DYM: variants seen among roughly 807,000 people sequenced by gnomAD.
DYM encodes the protein dymeclin.
A neutral mutation model predicts 93.1 loss-of-function variants in DYM; 78 were observed. The ratio of observed to expected loss-of-function variants is 0.84; its 90% CI spans 0.70 to 1.01. DYM has a LOEUF of 1.01. Ranked by LOEUF, DYM falls within the 50% of genes least tolerant of loss-of-function variation. The probability of loss-of-function intolerance (pLI) is 0.00; values close to 1 mark genes in which losing one functional copy is unlikely to be tolerated. For synonymous variants in DYM, 321 were observed against 319.7 expected (o/e 1.00, Z -0.04); for missense variants, 789 against 845.0 (o/e 0.93, Z 0.82).
intron 8 of DYM, among the ~76,000 whole-genome samples, chr18:49,303,823 A>G (rs1240921412): frequency 6.6e-6 from 1 of 152,206 alleles, no homozygotes; most frequent in Non-Finnish European, 1.5e-5. Context: ...AATTTACTAA[A>G]TGAATTATGG....
rs1283149769 is a variant in DYM at position 49,289,753 on chromosome 18, A to G, written c.764-3137T>C. On this transcript the variant is annotated intron_variant, in intron 8 of 17. Transcript: ENST00000675505. ...TATATATATATATATATATATATAT[A>G]TATATATATATATATATATACACAT... is the stretch of plus-strand genomic sequence containing the variant. Among the ~76,000 whole-genome samples, 36 of 40,370 alleles carry G rather than the reference A, an allele frequency of 8.9e-4. 1 individual carries two copies. Among genetic ancestry groups the G allele is most frequent in the African/African-American group, 2.2e-3 (21 of 9,748 alleles). 26.5% of individuals were successfully genotyped at this position (40,370 alleles called of 152,430 possible).
chr18:49,331,618 T>C (rs2063311247), intron 8 of DYM, among the ~76,000 whole-genome samples: 2 of 152,272 alleles, frequency 1.3e-5, no homozygotes, highest in Admixed American at 1.3e-4. Flanking sequence ...CGCATATTTA[T>C]GTGTAAACAT....
At chr18:49,254,435 C>G (rs925363229) in intron 13 of DYM, among the ~76,000 whole-genome samples, 1 of 151,470 alleles carries the variant, frequency 6.6e-6, no homozygotes, top group African/African-American at 2.4e-5. Flanking sequence ...TAACATAGTT[C>G]GTTATTCATA....
intron 1 of DYM, among the ~76,000 whole-genome samples, chr18:49,436,643 T>G (rs1455276512): frequency 6.6e-6 from 1 of 152,174 alleles, no homozygotes; most frequent in Non-Finnish European, 1.5e-5. Flanking sequence ...TAATTAGCAG[T>G]TAGGATTGTA....
intron 13 of DYM, among the ~76,000 whole-genome samples, chr18:49,210,407 G>C (rs1035723182): frequency 6.6e-6 from 1 of 152,192 alleles, no homozygotes; most frequent in African/African-American, 2.4e-5. Flanking sequence ...GTCATGAAAA[G>C]ACATGGAGGA....
intron 13 of DYM, among the ~76,000 whole-genome samples, chr18:49,222,956 C>G (rs945870413): frequency 6.6e-6 from 1 of 152,100 alleles, no homozygotes; most frequent in Admixed American, 6.5e-5. Flanking sequence ...ACCATCTGAA[C>G]CTACCAATCA....
At chr18:49,122,387 ACT>A (rs2082459203) in intron 15 of DYM, among the ~76,000 whole-genome samples, 2 of 152,146 alleles carry the variant, frequency 1.3e-5, no homozygotes, top group Admixed American at 1.3e-4. Context: ...AGAGAAATAC[ACT>A]GTTACTACCT....
chr18:49,198,099 T>A (rs1315288911), intron 14 of DYM, among the ~76,000 whole-genome samples: 1 of 152,152 alleles, frequency 6.6e-6, no homozygotes, highest in Non-Finnish European at 1.5e-5. Flanking sequence ...CATCTGATCT[T>A]TGACAAACCT....
intron 13 of DYM, among the ~76,000 whole-genome samples, chr18:49,222,713 T>C (rs1312690666): frequency 6.6e-6 from 1 of 152,124 alleles, no homozygotes; most frequent in African/African-American, 2.4e-5. Context: ...AACTCTAGTT[T>C]TGAAAATTAA....
intron 2 of DYM, among the ~76,000 whole-genome samples, chr18:49,413,367 C>T (rs1295040642): frequency 1.3e-5 from 2 of 152,274 alleles, no homozygotes; most frequent in Non-Finnish European, 1.5e-5. Flanking sequence ...GCAATGGGTC[C>T]AGCATCTGAC....
intron 16 of DYM, among the ~76,000 whole-genome samples, chr18:49,097,726 A>T (rs961980611): frequency 6.6e-6 from 1 of 152,122 alleles, no homozygotes; most frequent in Admixed American, 6.5e-5. Flanking sequence ...CTGATTATTC[A>T]TTCTGTGAAT....
intron 16 of DYM, among the ~76,000 whole-genome samples, chr18:49,109,206 G>T (rs2081168026): frequency 6.7e-6 from 1 of 149,468 alleles, no homozygotes; most frequent in African/African-American, 2.5e-5. Context: ...ATTTGCATTT[G>T]ATTTAATTAT....
At chr18:49,373,117 A>T (rs1456046321) in intron 5 of DYM, among the ~76,000 whole-genome samples, 1 of 152,182 alleles carries the variant, frequency 6.6e-6, no homozygotes, top group African/African-American at 2.4e-5. Context: ...AATGAAAAAT[A>T]ATTTTATATT....
chr18:49,043,964 G>C lies in DYM; in HGVS notation c.*91C>G. Reference sequence around the variant, plus strand: ...TCCTCTTTAACAGAAGATACACCAAGTAACCTGTCTGTCTACTTCTGTTAC... The same window carrying C: ...TCCTCTTTAACAGAAGATACACCAACTAACCTGTCTGTCTACTTCTGTTAC... On this transcript the variant is annotated 3_prime_UTR_variant, in exon 18 of 18. Transcript: ENST00000675505. 1 of 1,467,738 alleles carries C rather than the reference G, an allele frequency of 6.8e-7. No individual in the cohort carries two copies. The highest frequency in any genetic ancestry group is 9.4e-7 in the Non-Finnish European group (1 of 1,061,442). 90.9% of individuals were successfully genotyped at this position (1,467,738 alleles called of 1,614,324 possible). A position where few individuals can be genotyped will look rare whatever the true frequency, so the allele number is the denominator to read the frequency against.
chr18:49,135,135 A>G (rs2083716628), intron 15 of DYM, among the ~76,000 whole-genome samples: 1 of 152,102 alleles, frequency 6.6e-6, no homozygotes, highest in Admixed American at 6.6e-5. Flanking sequence ...TAAAAAAACC[A>G]CTTCTCTCCA....
At chr18:49,430,553 A>G (rs540879190) in intron 1 of DYM, 106 bp from the exon 2 acceptor site, 2 of 876,230 alleles carry the variant, frequency 2.3e-6, no homozygotes, top group African/African-American at 3.4e-5. Context: ...ACATTTCTGT[A>G]TTTATAAATA....
intron 1 of DYM, among the ~76,000 whole-genome samples, chr18:49,457,453 G>T (rs1022454943): frequency 6.6e-6 from 1 of 152,088 alleles, no homozygotes; most frequent in Non-Finnish European, 1.5e-5. Flanking sequence ...ATTTTTAAAG[G>T]TCTCATTTTA....
Position 49,322,261 on chromosome 18 carries a change from G to A in DYM, c.763+9603C>T, listed in dbSNP as rs117208513. Among the ~76,000 whole-genome samples the A allele has an allele frequency of 5.8e-4, 88 of 152,146 alleles. 2 individuals carry two copies. In the East Asian group the frequency reaches 0.016, roughly 28 times the overall value. On this transcript the variant is annotated intron_variant, in intron 8 of 17. Coordinates refer to ENST00000675505, the MANE Select transcript of DYM (RefSeq NM_001353214.3). ...ATTCAAATGGAAAAACCATATATCA[G>A]AAGTTATTGTGTAAAACCTCAGTAC...
intron 14 of DYM, among the ~76,000 whole-genome samples, chr18:49,178,363 C>T (rs2089600015): frequency 6.6e-6 from 1 of 151,832 alleles, no homozygotes; most frequent in South Asian, 2.1e-4. Flanking sequence ...TACATCAGTA[C>T]ATGCTCAAAT....
Sources: gnomAD v4.1 joint callset for allele counts (sites outside exome capture counted in the v4.1 genomes callset) on GRCh38, gnomAD v4.1.1 for gene constraint, MANE v1.5 for transcripts, NCBI Gene and HGNC (gene_info 2026-07-23, HGNC 2026-07-21) for gene names.